The following GPC6 variants were observed in gnomAD, a reference collection of about 807,000 sequenced individuals.
The protein encoded by GPC6 is glypican-6.
In GPC6, 14 loss-of-function variants were observed where a neutral mutation model predicts 55.2. That is an observed-to-expected ratio of 0.25 (90% CI 0.17 to 0.40). GPC6 has a LOEUF of 0.40. Ranked by LOEUF, GPC6 falls within the 10% of genes least tolerant of loss-of-function variation. GPC6 has a pLI of 1.00. For synonymous variants in GPC6, 278 were observed against 259.6 expected, an observed-to-expected ratio of 1.07 and a Z score of -0.68; for missense variants, 641 against 708.5, an observed-to-expected ratio of 0.90 and a Z score of 1.08.
chr13:93,268,348 A>G (rs1253362557), intron 1 of GPC6, among the ~76,000 whole-genome samples: 2 of 152,312 alleles, frequency 1.3e-5, no homozygotes, highest in African/African-American at 2.4e-5. Context: ...CATATAGACA[A>G]TCTACAAAGT....
intron 4 of GPC6, among the ~76,000 whole-genome samples, chr13:94,033,494 C>T (rs1883212920): frequency 6.6e-6 from 1 of 152,126 alleles, no homozygotes; most frequent in African/African-American, 2.4e-5. Flanking sequence ...AGAAAATAAA[C>T]ATTTATTGTT....
intron 4 of GPC6, among the ~76,000 whole-genome samples, chr13:94,099,583 T>G (rs765336715): frequency 3.3e-5 from 5 of 152,158 alleles, no homozygotes; most frequent in Non-Finnish European, 7.4e-5. Context: ...TTGAAACTAG[T>G]TTTTTATTAA....
chr13:94,280,238 G>A (rs9524399), intron 4 of GPC6, among the ~76,000 whole-genome samples: 53,240 of 151,978 alleles, frequency 0.35, 9,617 homozygotes, highest in Non-Finnish European at 0.38. Flanking sequence ...TTTAAAGCCT[G>A]TTTTTTCAGA....
chr13:93,321,448 T>C (rs1594094850), intron 1 of GPC6, among the ~76,000 whole-genome samples: 1 of 152,192 alleles, frequency 6.6e-6, no homozygotes, highest in African/African-American at 2.4e-5. Context: ...TCTAATCTTA[T>C]CTCGTGCTGT....
chr13:93,976,831 T>C lies in GPC6; in HGVS notation c.712-50898T>C, dbSNP rs74551428. On this transcript the variant is annotated intron_variant, in intron 3 of 8. Transcript: ENST00000377047. ...TGCCCCAAGAGGTTATTTGTCAGCC[T>C]GTAGGCTCCTAATTACTTAGAATTA... Among the ~76,000 whole-genome samples the C allele has an allele frequency of 6.6e-3, 997 of 151,990 alleles. 12 individuals are homozygous for C. The highest frequency in any genetic ancestry group is 0.022 in the African/African-American group (929 of 41,482).
chr13:93,851,862 A>G (rs887135294), intron 3 of GPC6, among the ~76,000 whole-genome samples: 2 of 151,712 alleles, frequency 1.3e-5, no homozygotes, highest in Admixed American at 6.6e-5. Context: ...AGCTTCTGTT[A>G]TCTCATCTTC....
intron 1 of GPC6, among the ~76,000 whole-genome samples, chr13:93,330,832 C>T (rs557519321): frequency 5.9e-5 from 9 of 152,112 alleles, no homozygotes; most frequent in Non-Finnish European, 1.0e-4. Flanking sequence ...TCTAATCATA[C>T]GCAAATCCCA....
At chr13:93,651,383 C>T in intron 2 of GPC6, among the ~76,000 whole-genome samples, 1 of 151,932 alleles carries the variant, frequency 6.6e-6, no homozygotes, top group East Asian at 1.9e-4. Context: ...AGAAAAGAAG[C>T]TGTTTGAAGA....
intron 2 of GPC6, among the ~76,000 whole-genome samples, chr13:93,743,132 A>G (rs1329850423): frequency 1.3e-5 from 2 of 152,154 alleles, no homozygotes; most frequent in African/African-American, 2.4e-5. Flanking sequence ...ATCATGAGCA[A>G]CAGGGCCCAG....
At chr13:93,832,108 AAAAAAAAAAAAAAAAT>A (rs1887526717) in intron 3 of GPC6, among the ~76,000 whole-genome samples, 6 of 65,560 alleles carry the variant, frequency 9.2e-5, no homozygotes, top group South Asian at 5.5e-4. Context: ...AAAAAAAAAA[AAAAAAAAAAAAAAAAT>A]ATATATATAT....
chr13:94,388,622 G>A (rs1038941360), intron 7 of GPC6, among the ~76,000 whole-genome samples: 1 of 152,170 alleles, frequency 6.6e-6, no homozygotes, highest in Non-Finnish European at 1.5e-5. Flanking sequence ...AGATATAATA[G>A]ACTAAACAAC....
At chr13:93,655,792 A>G (rs1880636185) in intron 2 of GPC6, among the ~76,000 whole-genome samples, 1 of 152,190 alleles carries the variant, frequency 6.6e-6, no homozygotes. Context: ...AACAACAATG[A>G]AATAGGGAAC....
rs79916302 is a variant in GPC6 at position 94,017,289 on chromosome 13, G to C, written c.712-10440G>C. On this transcript the variant is annotated intron_variant, in intron 3 of 8. Transcript: ENST00000377047. ...TTCTTTGGGATTTCCTATATACACT[G>C]TATTAGTCCATTTTTATACTGCCAT... is the stretch of plus-strand genomic sequence containing the variant. 4.7e-3 allele frequency among the ~76,000 whole-genome samples: 710 copies of C among 152,152 alleles called. 7 individuals carry two copies. The highest frequency in any genetic ancestry group is 0.015 in the African/African-American group (613 of 41,518).
intron 1 of GPC6, among the ~76,000 whole-genome samples, chr13:93,290,220 A>G (rs1025258036): frequency 1.3e-5 from 2 of 152,144 alleles, no homozygotes; most frequent in African/African-American, 4.8e-5. Context: ...ACTTTTTTAA[A>G]CCATGAAAAG....
intron 6 of GPC6, among the ~76,000 whole-genome samples, chr13:94,340,473 A>C (rs1877977723): frequency 6.6e-6 from 1 of 152,230 alleles, no homozygotes; most frequent in African/African-American, 2.4e-5. Flanking sequence ...AAAATTCTGG[A>C]GGCATCACAC....
At chr13:93,973,534 A>G (rs1281128258) in intron 3 of GPC6, among the ~76,000 whole-genome samples, 2 of 148,466 alleles carry the variant, frequency 1.3e-5, no homozygotes, top group African/African-American at 4.9e-5. Flanking sequence ...TCTAACTATG[A>G]TTTCTATAAA....
At chr13:94,157,987 A>G (rs1888014874) in intron 4 of GPC6, among the ~76,000 whole-genome samples, 2 of 152,160 alleles carry the variant, frequency 1.3e-5, no homozygotes, top group Admixed American at 1.3e-4. Context: ...GAGAAAGAAC[A>G]CAGAGTACCC....
At chr13:93,927,278 C>G (rs929474879) in intron 3 of GPC6, among the ~76,000 whole-genome samples, 8 of 152,096 alleles carry the variant, frequency 5.3e-5, no homozygotes, top group Non-Finnish European at 1.2e-4. Flanking sequence ...AAAGCATAAC[C>G]AAATACCTTC....
intron 1 of GPC6, among the ~76,000 whole-genome samples, chr13:93,354,105 C>T (rs1201929167): frequency 6.6e-6 from 1 of 152,110 alleles, no homozygotes; most frequent in Non-Finnish European, 1.5e-5. Context: ...AACCCTAAGC[C>T]TTTATCTGAA....
Sources: gnomAD v4.1 joint callset for allele counts (sites outside exome capture counted in the v4.1 genomes callset) on GRCh38, gnomAD v4.1.1 for gene constraint, MANE v1.5 for transcripts, NCBI Gene and HGNC (gene_info 2026-07-23, HGNC 2026-07-21) for gene names.